NFATC4: variants seen among roughly 807,000 people sequenced by gnomAD.
The protein encoded by NFATC4 is nuclear factor of activated T cells 4.
Under a neutral mutation model 73.4 loss-of-function variants are expected in NFATC4, and 25 were observed. The ratio of observed to expected loss-of-function variants is 0.34; its 90% confidence interval spans 0.25 to 0.48. NFATC4 has a LOEUF of 0.48. NFATC4 is among the 20% of genes least tolerant of loss of function. The probability of loss-of-function intolerance (pLI) is 0.99; values close to 1 mark genes in which losing one functional copy is unlikely to be tolerated. For missense variants in NFATC4, 1,130 were observed against 1,203.7 expected (o/e 0.94, Z 0.91); for synonymous variants, 523 against 510.3 (o/e 1.02, Z -0.34).
chr14:24,368,740 C>G (rs926920268), intron 1 of NFATC4, among the ~76,000 whole-genome samples: 2 of 151,782 alleles, frequency 1.3e-5, no homozygotes, highest in African/African-American at 4.8e-5. Flanking sequence ...CAGCACCAGG[C>G]GCCGCCAGGG....
chr14:24,370,282 C>G lies in NFATC4; in HGVS notation c.884C>G (p.Ser295Cys), dbSNP rs2042437387. The G allele has an allele frequency of 3.7e-6, 6 of 1,611,938 alleles. No individual in the cohort carries two copies. The highest frequency in any genetic ancestry group is 5.1e-6 in the Non-Finnish European group (6 of 1,178,902). Residue 295 changes from serine (S) to cysteine (C), a missense_variant, in exon 2 of 10, where the codon TCT becomes TGT. Around this residue, in one of 3 missense-constraint regions of NFATC4, gnomAD observed 585 missense variants for 574.3 expected, o/e 1.02. Coordinates refer to ENST00000250373, the MANE Select transcript of NFATC4 (RefSeq NM_004554.5). ...CGTGGCAGCCTGGGGGAAGAGGGGT[C>G]TGAGCCACCTCCACCACCCCCATTG... The part of the protein sequence containing the change: ...SRRGSLGEEG[S>C]EPPPPPPLPL...
intron 6 of NFATC4, 172 bp downstream of exon 6, chr14:24,374,638 G>A: frequency 3.4e-6 from 2 of 589,618 alleles, no homozygotes; most frequent in Non-Finnish European, 5.8e-6. Context: ...TGTGGGATGG[G>A]TATGACAGCA....
In NFATC4 at chr14:24,376,468, G is replaced by T; in HGVS notation, c.2231G>T (p.Gly744Val). 4 of 1,613,714 alleles carry T rather than the reference G, an allele frequency of 2.5e-6. No individual in the cohort carries two copies. Among genetic ancestry groups the T allele is most frequent in the Non-Finnish European group, 3.4e-6 (4 of 1,179,872 alleles). Reference sequence around the variant, plus strand: ...TACCTATCAGAAGGCTTCGGCTATGGCATGCCCCCTCTGTACCCCCAGACG... The same window carrying T: ...TACCTATCAGAAGGCTTCGGCTATGTCATGCCCCCTCTGTACCCCCAGACG... ...TPYLSEGFGY[G>V]MPPLYPQTGP... Residue 744 changes from glycine (G) to valine (V), a missense_variant, in exon 9 of 10, where the codon GGC becomes GTC. Transcript: ENST00000250373. The surrounding 1 kb of genome is among the most constrained non-coding windows in gnomAD (Gnocchi z 5.0).
chr14:24,373,222 G>A lies in NFATC4; in HGVS notation c.1411G>A (p.Ala471Thr). ...GACCCTACAGATGTTCATCGGCACT[G>A]CAGATGAAAGGAACCTGCGGCCTCA... ...PLTLQMFIGT[A>T]DERNLRPHAF... is the part of the protein sequence containing the mutation. The change falls in exon 4 of 10, where the codon GCA (alanine) becomes ACA (threonine). Residue 471 changes from alanine (A) to threonine (T), a missense_variant. Ala to Thr is a moderately conservative substitution (Grantham distance 58). This residue lies in a region of NFATC4 where 155 missense variants were observed against 221.2 expected (regional missense o/e 0.70). Coordinates refer to ENST00000250373, the MANE Select transcript of NFATC4 (RefSeq NM_004554.5). The surrounding 1 kb of genome is among the most constrained non-coding windows in gnomAD (Gnocchi z 4.7). The A allele has an allele frequency of 6.2e-7, 1 of 1,614,210 alleles. No individual in the cohort carries two copies. The highest frequency in any genetic ancestry group is 8.5e-7 in the Non-Finnish European group (1 of 1,180,048).
Position 24,369,630 on chromosome 14 carries a change from C to T in NFATC4, c.232C>T (p.Pro78Ser). 1.2e-6 allele frequency: 2 copies of T among 1,613,282 alleles called. No individual in the cohort carries two copies. Among genetic ancestry groups the T allele is most frequent in the Non-Finnish European group, 1.7e-6 (2 of 1,179,870 alleles). Residue 78 changes from proline (P) to serine (S), a missense_variant, in exon 2 of 10, where the codon CCA (proline) becomes TCA (serine). By Grantham distance (74) the Pro-to-Ser change is moderately conservative. Around this residue, in one of 3 missense-constraint regions of NFATC4, gnomAD observed 585 missense variants for 574.3 expected, o/e 1.02. Coordinates refer to ENST00000250373, the MANE Select transcript of NFATC4 (RefSeq NM_004554.5). ...RPGMHSPPPR[P>S]APSPGTWESQ... is the part of the protein sequence containing the mutation. Reference sequence around the variant, plus strand: ...TGGCATGCATTCGCCACCGCCGCGACCAGCCCCCTCACCTGGCACCTGGGA... The same window carrying T: ...TGGCATGCATTCGCCACCGCCGCGATCAGCCCCCTCACCTGGCACCTGGGA...
rs2139316342 is a variant in NFATC4 at position 24,377,444 on chromosome 14, G to A, written c.2642-194G>A. 4 of 1,428,392 alleles carry A rather than the reference G, an allele frequency of 2.8e-6. No homozygotes were observed. The highest frequency in any genetic ancestry group is 2.8e-5 in the Admixed American group (1 of 35,562). The allele number at this position is 1,428,392 out of a possible 1,614,324, so 88.5% of individuals were successfully genotyped here. A position where few individuals can be genotyped will look rare whatever the true frequency, so the allele number is the denominator to read the frequency against. On this transcript the variant is annotated intron_variant, in intron 9 of 9. Coordinates refer to ENST00000250373, the MANE Select transcript of NFATC4 (RefSeq NM_004554.5). The surrounding 1 kb of genome is among the most constrained non-coding windows in gnomAD (Gnocchi z 4.2). ...GTGCCTGGGAGCCCACATGGAGGGA[G>A]TTGGGCAAGATTTGATTCGGAGCAG...
At chr14:24,366,955 G>C, upstream of NFATC4, 1 of 1,558,160 alleles carries the variant, frequency 6.4e-7, no homozygotes, top group Non-Finnish European at 8.7e-7. Flanking sequence ...TTAGTTGCTG[G>C]GATGGGGCGG....
chr14:24,374,061 A>G (rs113966193), intron 5 of NFATC4, 194 bp downstream of exon 5: 4 of 925,940 alleles, frequency 4.3e-6, no homozygotes, highest in African/African-American at 3.3e-5. Flanking sequence ...CCAGAGTGAC[A>G]CTGGACCCTA....
chr14:24,367,362 C>T (rs1006359015), upstream of NFATC4: 4 of 1,536,126 alleles, frequency 2.6e-6, no homozygotes, highest in East Asian at 9.8e-5. Context: ...GTCAGAGATT[C>T]ATTCCAGACT....
rs761241747 is a variant in NFATC4 at position 24,372,524 on chromosome 14, C to T, written c.1280C>T (p.Ala427Val). 1.3e-5 allele frequency: 21 copies of T among 1,613,972 alleles called. No individual in the cohort carries two copies. The South Asian group carries it at 2.2e-4, about 17-fold the overall frequency. The stretch of plus-strand genomic sequence containing the variant: ...CTGAGGATCGAGGTACAGCCTAGAG[C>T]CCACCACCGGGCCCACTATGAGACA... ...LELRIEVQPRAHHRAHYETEG... is the reference protein window; with the variant it reads ...LELRIEVQPRVHHRAHYETEG... The change falls in exon 3 of 10, where the codon GCC becomes GTC. Residue 427 changes from alanine to valine, a missense_variant. Physicochemically the swap from Ala to Val is moderately conservative, Grantham distance 64 (BLOSUM62 0). This residue lies in a region of NFATC4 where 585 missense variants were observed against 574.3 expected (regional missense o/e 1.02). Transcript: ENST00000250373.
Position 24,377,614 on chromosome 14 carries a change from C to T in NFATC4, c.2642-24C>T, listed in dbSNP as rs73593210. ...GGAGGGGACCCACCTCTAGCCCAGT[C>T]TCTCAACTGCCCCTCCTTTACAGTG... On this transcript the variant is annotated intron_variant, in intron 9 of 9. Coordinates refer to ENST00000250373, the MANE Select transcript of NFATC4 (RefSeq NM_004554.5). The surrounding 1 kb of genome is among the most constrained non-coding windows in gnomAD (Gnocchi z 4.2). 391 of 1,614,142 alleles carry T rather than the reference C, an allele frequency of 2.4e-4. 1 individual carries two copies. In the African/African-American group the frequency reaches 4.8e-3, roughly 20 times the overall value.
In NFATC4 at chr14:24,369,835, AC is replaced by A. The variant is rs1437507236; in HGVS notation, c.443del (p.Pro148HisfsTer55). ...DAWGDGSPRD[Y>X]PPPEGFGGYR... is the part of the protein sequence containing the mutation. ...TGGGGGGACGGCTCTCCTAGAGATT[AC>A]CCCCCACCAGAAGGCTTTGGGGGCT... On this transcript the variant is annotated frameshift_variant, in exon 2 of 10. Transcript: ENST00000250373. LOFTEE classifies it high-confidence loss of function. 1.9e-6 allele frequency: 3 copies of A among 1,603,944 alleles called. No individual in the cohort carries two copies. The highest frequency in any genetic ancestry group is 2.6e-6 in the Non-Finnish European group (3 of 1,175,802).
chr14:24,367,752 G>A, upstream of NFATC4: 1 of 1,356,994 alleles, frequency 7.4e-7, no homozygotes, highest in Non-Finnish European at 9.5e-7. Context: ...GGAAAGGGGA[G>A]GAGAAGTGGT....
upstream of NFATC4, chr14:24,368,096 G>T: frequency 8.4e-7 from 1 of 1,189,422 alleles, no homozygotes; most frequent in Non-Finnish European, 1.0e-6. Flanking sequence ...TGGAGGAGGG[G>T]CTGGAGCATC....
intron 5 of NFATC4, 130 bp from the exon 6 acceptor site, chr14:24,374,196 A>G: frequency 8.5e-7 from 1 of 1,177,976 alleles, no homozygotes; most frequent in Non-Finnish European, 1.2e-6. Flanking sequence ...TTACTGGTTT[A>G]TTTGTGTGTC....
At chr14:24,375,616 G>A (rs748960977) in intron 6 of NFATC4, 44 bp from the exon 7 acceptor site, 4 of 1,548,896 alleles carry the variant, frequency 2.6e-6, no homozygotes, top group African/African-American at 2.7e-5. Context: ...GCAGGGGACA[G>A]GGGCGCTGGA....
In NFATC4 at chr14:24,370,349, T is replaced by C. The variant is rs1181460806; in HGVS notation, c.951T>C (p.Tyr317=). The C allele has an allele frequency of 6.2e-7, 1 of 1,613,696 alleles. No homozygotes were observed. ...RDPGSPGPFD[Y]VGAPPAESIP... ...CGGGCTCCCCTGGTCCCTTTGACTA[T>C]GTGGGGGCCCCACCAGCTGAGAGCA... Residue 317 remains tyrosine, a synonymous_variant, in exon 2 of 10, where the codon TAT becomes TAC. Coordinates refer to ENST00000250373, the MANE Select transcript of NFATC4 (RefSeq NM_004554.5).
chr14:24,370,737 T>G, intron 2 of NFATC4, 143 bp downstream of exon 2: 2 of 1,156,846 alleles, frequency 1.7e-6, no homozygotes, highest in Non-Finnish European at 2.4e-6. Flanking sequence ...AGCTGCCAAC[T>G]ACCTGGTTTT....
intron 5 of NFATC4, 116 bp from the exon 6 acceptor site, chr14:24,374,210 T>G: frequency 1.5e-6 from 2 of 1,295,756 alleles, no homozygotes; most frequent in Non-Finnish European, 2.1e-6. Context: ...GTGTGTCTAC[T>G]GCTGAGGAGG....
Sources: allele counts gnomAD v4.1 joint callset (sites outside exome capture counted in the v4.1 genomes callset), GRCh38; gene constraint gnomAD v4.1.1; regional missense constraint gnomAD v4.1.1; non-coding constraint Gnocchi (gnomAD v3.1); transcripts MANE v1.5; gene names NCBI Gene and HGNC (gene_info 2026-07-23, HGNC 2026-07-21).